The following PTPRD variants were observed in gnomAD, a reference collection of about 807,000 sequenced individuals.
PTPRD encodes the protein protein tyrosine phosphatase receptor type D.
PTPRD carries 34 observed loss-of-function variants against 214.5 expected under a neutral mutation model. The observed-to-expected ratio is 0.16, with a 90% CI of 0.12 to 0.21. The LOEUF is 0.21. Ranked by LOEUF, PTPRD falls within the 10% of genes least tolerant of loss-of-function variation. PTPRD has a pLI of 1.00. For missense variants in PTPRD, 2,545 were observed against 2,398.7 expected (o/e 1.06, Z -1.27); for synonymous variants, 1,128 against 845.7 (o/e 1.33, Z -5.79).
chr9:10,211,430 C>G (rs1193265834), intron 3 of PTPRD, among the ~76,000 whole-genome samples: 1 of 152,102 alleles, frequency 6.6e-6, no homozygotes, highest in African/African-American at 2.4e-5. Context: ...TTGCACTAAT[C>G]TGGGAGCTGT....
chr9:9,232,187 G>T (rs2133887950), intron 9 of PTPRD, among the ~76,000 whole-genome samples: 1 of 152,228 alleles, frequency 6.6e-6, no homozygotes, highest in Non-Finnish European at 1.5e-5. Context: ...AGTGCATTAT[G>T]CCCATCATTA....
intron 26 of PTPRD, 39 bp downstream of exon 26, chr9:8,497,203 T>C (rs1339124634): frequency 3.2e-6 from 5 of 1,543,738 alleles, no homozygotes; most frequent in African/African-American, 2.8e-5. Flanking sequence ...AACAAGCATA[T>C]ATAGTCTGCT....
chr9:9,533,789 G>A (rs191142057), intron 8 of PTPRD, among the ~76,000 whole-genome samples: 205 of 152,048 alleles, frequency 1.3e-3, no homozygotes, highest in African/African-American at 4.3e-3. Flanking sequence ...TGATGTATAC[G>A]TGCATGTTTT....
At chr9:8,478,752 G>A (rs1037997034) in intron 30 of PTPRD, among the ~76,000 whole-genome samples, 2 of 152,142 alleles carry the variant, frequency 1.3e-5, no homozygotes, top group African/African-American at 4.8e-5. Context: ...TTTCTGTGAG[G>A]GAACTCTCCT....
intron 10 of PTPRD, among the ~76,000 whole-genome samples, chr9:9,044,253 C>T (rs2099661506): frequency 6.6e-6 from 1 of 152,198 alleles, no homozygotes; most frequent in Non-Finnish European, 1.5e-5. Context: ...AAACACTCAA[C>T]ATGTCACCAA....
intron 11 of PTPRD, among the ~76,000 whole-genome samples, chr9:8,847,582 C>T (rs533740740): frequency 6.6e-6 from 1 of 152,216 alleles, no homozygotes; most frequent in South Asian, 2.1e-4. Context: ...TTTTATGTAT[C>T]ATGTCTGATT....
At chr9:9,462,291 G>A (rs1211380768) in intron 8 of PTPRD, among the ~76,000 whole-genome samples, 11 of 152,030 alleles carry the variant, frequency 7.2e-5, no homozygotes, top group Non-Finnish European at 5.9e-5. Flanking sequence ...GTAATTTCTG[G>A]CAGTGAACTA....
At chr9:10,571,224 A>G (rs961045074) in intron 2 of PTPRD, among the ~76,000 whole-genome samples, 1 of 152,184 alleles carries the variant, frequency 6.6e-6, no homozygotes. Context: ...CTATCAGATC[A>G]TACTTGGGTT....
At chr9:9,469,370 T>C (rs1340934902) in intron 8 of PTPRD, among the ~76,000 whole-genome samples, 4 of 152,152 alleles carry the variant, frequency 2.6e-5, no homozygotes, top group Non-Finnish European at 5.9e-5. Flanking sequence ...AGGATAAAGC[T>C]GGCAATGTTC....
intron 2 of PTPRD, among the ~76,000 whole-genome samples, chr9:10,463,567 T>G (rs982685273): frequency 6.6e-6 from 1 of 152,142 alleles, no homozygotes; most frequent in East Asian, 1.9e-4. Context: ...GAATTCACAA[T>G]GACCTCAGTA....
chr9:8,329,316 G>C (rs918049224), intron 44 of PTPRD, among the ~76,000 whole-genome samples: 13 of 152,084 alleles, frequency 8.5e-5, no homozygotes, highest in Non-Finnish European at 1.5e-5. Context: ...TATTCCAGAC[G>C]CTGTTTGCCT....
chr9:8,920,328 G>C (rs1010531686), intron 11 of PTPRD, among the ~76,000 whole-genome samples: 1 of 151,672 alleles, frequency 6.6e-6, no homozygotes, highest in Non-Finnish European at 1.5e-5. Flanking sequence ...GTGACAGAGT[G>C]AGACTCCAAA....
intron 9 of PTPRD, among the ~76,000 whole-genome samples, chr9:9,372,773 G>C (rs1015516106): frequency 3.3e-5 from 5 of 152,062 alleles, no homozygotes; most frequent in Non-Finnish European, 5.9e-5. Context: ...TCCATGTTTA[G>C]TGCTTCCTTC....
At chr9:10,608,116 T>G (rs1309036646) in intron 2 of PTPRD, among the ~76,000 whole-genome samples, 1 of 151,984 alleles carries the variant, frequency 6.6e-6, no homozygotes, top group Non-Finnish European at 1.5e-5. Flanking sequence ...ACAGTCTACA[T>G]GTATGTAAGG....
intron 12 of PTPRD, among the ~76,000 whole-genome samples, chr9:8,670,536 C>G (rs942399177): frequency 3.3e-5 from 5 of 152,194 alleles, no homozygotes; most frequent in Non-Finnish European, 7.3e-5. Context: ...AGATGTTAAT[C>G]TGCTTCACAA....
chr9:10,568,037 A>T (rs976578723), intron 2 of PTPRD, among the ~76,000 whole-genome samples: 3 of 151,434 alleles, frequency 2.0e-5, no homozygotes, highest in African/African-American at 7.3e-5. Context: ...ACATATGTAT[A>T]CATGTGCCAT....
intron 3 of PTPRD, among the ~76,000 whole-genome samples, chr9:10,047,684 GC>G (rs2097432300): frequency 6.6e-6 from 1 of 151,998 alleles, no homozygotes; most frequent in Non-Finnish European, 1.5e-5. Flanking sequence ...GTGCATCACT[GC>G]AATAGGAAAA....
intron 14 of PTPRD, among the ~76,000 whole-genome samples, chr9:8,561,481 T>C (rs996609406): frequency 9.2e-5 from 14 of 152,048 alleles, no homozygotes; most frequent in African/African-American, 3.1e-4. Flanking sequence ...CAAATGTGAG[T>C]ACAAACTATA....
At chr9:9,199,881 G>C (rs993994784) in intron 9 of PTPRD, among the ~76,000 whole-genome samples, 4 of 152,124 alleles carry the variant, frequency 2.6e-5, no homozygotes, top group Non-Finnish European at 5.9e-5. Flanking sequence ...CTTGGCATTA[G>C]AGAATTTGCT....
Sources: gnomAD v4.1 joint callset for allele counts (sites outside exome capture counted in the v4.1 genomes callset) on GRCh38, gnomAD v4.1.1 for gene constraint, MANE v1.5 for transcripts, NCBI Gene and HGNC (gene_info 2026-07-23, HGNC 2026-07-21) for gene names.